Variants in SLC37A1 observed in about 807,000 individuals in gnomAD.
SLC37A1 encodes glucose-6-phosphate exchanger SLC37A1.
SLC37A1 carries 49 observed loss-of-function variants against 75.3 expected under a neutral mutation model. The observed-to-expected ratio is 0.65, with a 90% CI of 0.52 to 0.83. SLC37A1 has a LOEUF of 0.83. Among genes scored for constraint, SLC37A1 ranks in the 40% least tolerant of loss-of-function variants. The pLI is 0.00. For synonymous variants in SLC37A1, 268 were observed against 292.1 expected (o/e 0.92, Z 0.84); for missense variants, 566 against 695.0 (o/e 0.81, Z 2.09).
chr21:42,577,995 C>T (rs544376347), intron 18 of SLC37A1, among the ~76,000 whole-genome samples: 1 of 152,314 alleles, frequency 6.6e-6, no homozygotes, highest in East Asian at 1.9e-4. Context: ...GCAGCAGGTC[C>T]GTGAGCTTGA....
intron 18 of SLC37A1, among the ~76,000 whole-genome samples, chr21:42,579,455 G>A (rs2056370865): frequency 1.2e-5 from 1 of 83,622 alleles, no homozygotes; most frequent in Non-Finnish European, 3.1e-5. Context: ...AGTTCAGGCT[G>A]CATCTCTCCC....
At position 42,518,490 on chromosome 21, in the gene SLC37A1, C is replaced by T. The variant is rs773729699; in HGVS notation, c.36C>T (p.Ile12=). The change falls in exon 2 of 20, where the codon ATC becomes ATT. Residue 12 remains isoleucine (I), a synonymous_variant. Transcript: ENST00000352133. ...ARLPAGIRFI[I]SFSRDQWYRA... ...TCCCCGCTGGCATTCGCTTCATCATCTCATTCTCCAGGGATCAGTGGTGAG... is the reference window on the plus strand; with the variant it reads ...TCCCCGCTGGCATTCGCTTCATCATTTCATTCTCCAGGGATCAGTGGTGAG... 2.5e-6 allele frequency: 4 copies of T among 1,614,198 alleles called. No individual in the cohort carries two copies. In the East Asian group the frequency reaches 8.9e-5, roughly 36 times the overall value.
At chr21:42,517,812 T>A (rs866097680) in intron 1 of SLC37A1, among the ~76,000 whole-genome samples, 2 of 152,210 alleles carry the variant, frequency 1.3e-5, no homozygotes, top group African/African-American at 4.8e-5. Flanking sequence ...AATTAAATGA[T>A]TGGTTTGATC....
chr21:42,520,903 G>T (rs949359402), intron 2 of SLC37A1, among the ~76,000 whole-genome samples: 11 of 152,178 alleles, frequency 7.2e-5, no homozygotes, highest in African/African-American at 2.7e-4. Flanking sequence ...TCAAATCTAG[G>T]ACAATCTGAG....
chr21:42,547,029 C>T lies in SLC37A1; in HGVS notation c.731-74C>T. 1 of 1,588,118 alleles carries T rather than the reference C, an allele frequency of 6.3e-7. No homozygotes were observed. ...CCCGGTGCTCCCGTGTTGCCCTGTCCTCGGGTTACGTAGCTTACTTGGCAT... is the reference window on the plus strand; with the variant it reads ...CCCGGTGCTCCCGTGTTGCCCTGTCTTCGGGTTACGTAGCTTACTTGGCAT... On this transcript the variant is annotated intron_variant, in intron 8 of 19. Transcript: ENST00000352133. This position sits in a 1 kb window ranked among gnomAD's most constrained non-coding sequence, Gnocchi z 6.1.
chr21:42,512,647 G>A, upstream of SLC37A1, among the ~76,000 whole-genome samples: 1 of 152,264 alleles, frequency 6.6e-6, no homozygotes, highest in East Asian at 1.9e-4. Context: ...GCCAAAAGGA[G>A]AAGACTGGAG....
chr21:42,572,904 G>A (rs553854097), intron 17 of SLC37A1, among the ~76,000 whole-genome samples: 26 of 152,244 alleles, frequency 1.7e-4, no homozygotes, highest in African/African-American at 6.3e-4. Flanking sequence ...ATGGAAGAAG[G>A]GGCCCTGCAT....
At chr21:42,555,960 G>C (rs78374841) in intron 10 of SLC37A1, among the ~76,000 whole-genome samples, 21,470 of 152,174 alleles carry the variant, frequency 0.14, 2,166 homozygotes, top group African/African-American at 0.28. Flanking sequence ...AGGTTGGCTG[G>C]ACACCCTGGA....
chr21:42,572,436 T>C (rs552025206), intron 17 of SLC37A1, among the ~76,000 whole-genome samples: 3 of 152,118 alleles, frequency 2.0e-5, no homozygotes, highest in Non-Finnish European at 4.4e-5. Flanking sequence ...TGTAGGCTTT[T>C]CTGGATTAAT....
intron 2 of SLC37A1, among the ~76,000 whole-genome samples, chr21:42,521,285 A>G (rs1005717723): frequency 6.6e-6 from 1 of 152,194 alleles, no homozygotes; most frequent in Non-Finnish European, 1.5e-5. Flanking sequence ...CTGACGGGAT[A>G]CTCTGAACAG....
chr21:42,502,689 A>C (rs1245311743), intron 2 of SLC37A1: 1 of 152,152 alleles, frequency 6.6e-6, no homozygotes, highest in Non-Finnish European at 1.5e-5. Context: ...ATCTTACCAG[A>C]TGTAACCTTC....
At chr21:42,573,942 T>A (rs2056247833) in intron 17 of SLC37A1, among the ~76,000 whole-genome samples, 1 of 152,378 alleles carries the variant, frequency 6.6e-6, no homozygotes, top group Admixed American at 6.5e-5. Context: ...TTGACATAAT[T>A]TCAGACTTTG....
chr21:42,557,419 G>C (rs1202817272), intron 10 of SLC37A1, among the ~76,000 whole-genome samples: 2 of 152,284 alleles, frequency 1.3e-5, no homozygotes, highest in Non-Finnish European at 2.9e-5. Context: ...TGAGAGAAAA[G>C]TTTATTCAGA....
In SLC37A1 at chr21:42,558,065, C is replaced by T. The variant is rs916422807; in HGVS notation, c.850-893C>T. 2.6e-5 allele frequency among the ~76,000 whole-genome samples: 4 copies of T among 152,192 alleles called. No individual in the cohort carries two copies. The East Asian group carries it at 7.7e-4, about 29-fold the overall frequency. On this transcript the variant is annotated intron_variant, in intron 10 of 19. Coordinates refer to ENST00000352133, the MANE Select transcript of SLC37A1 (RefSeq NM_001320537.2). Reference sequence around the variant, plus strand: ...CAGGTGATCCTCCTGCCTCAGCCTCCAGAGCAGCTAGGACTACAAGCGCAT... The same window carrying T: ...CAGGTGATCCTCCTGCCTCAGCCTCTAGAGCAGCTAGGACTACAAGCGCAT...
intron 2 of SLC37A1, among the ~76,000 whole-genome samples, chr21:42,523,807 G>A (rs1244822747): frequency 5.9e-5 from 9 of 152,092 alleles, no homozygotes; most frequent in Non-Finnish European, 1.0e-4. Flanking sequence ...GGTTTGGTTT[G>A]GTTCCTTCCC....
At chr21:42,565,991 G>A in intron 15 of SLC37A1, 116 bp downstream of exon 15, 1 of 1,043,780 alleles carries the variant, frequency 9.6e-7, no homozygotes, top group Non-Finnish European at 1.4e-6. Flanking sequence ...TGGAGCACAT[G>A]GTGTGGCTAA....
At chr21:42,508,050 G>A (rs946294544) in intron 2 of SLC37A1, among the ~76,000 whole-genome samples, 3 of 151,346 alleles carry the variant, frequency 2.0e-5, no homozygotes, top group Non-Finnish European at 4.4e-5. Flanking sequence ...GGCCCAGAGG[G>A]AACTTTAAAG....
chr21:42,561,974 A>G (rs2055841675), intron 11 of SLC37A1, 104 bp from the exon 12 acceptor site: 1 of 911,884 alleles, frequency 1.1e-6, no homozygotes, highest in Non-Finnish European at 1.8e-6. Flanking sequence ...GACCAGAGAC[A>G]GGATGTCTTT....
intron 3 of SLC37A1, among the ~76,000 whole-genome samples, chr21:42,532,492 C>T (rs770206195): frequency 6.6e-6 from 1 of 152,164 alleles, no homozygotes; most frequent in Non-Finnish European, 1.5e-5. Context: ...GATGCTTAGG[C>T]CCTTTGGGCG....
Sources: allele counts gnomAD v4.1 joint callset (sites outside exome capture counted in the v4.1 genomes callset), GRCh38; gene constraint gnomAD v4.1.1; non-coding constraint Gnocchi (gnomAD v3.1); transcripts MANE v1.5; gene names NCBI Gene and HGNC (gene_info 2026-07-23, HGNC 2026-07-21).